Variants in C4orf51 observed in about 807,000 individuals in gnomAD.
C4orf51 encodes the protein uncharacterized protein C4orf51.
In C4orf51, 25 loss-of-function variants were observed where a neutral mutation model predicts 25.2. The ratio of observed to expected loss-of-function variants is 0.99; its 90% CI spans 0.72 to 1.39. C4orf51 has a LOEUF of 1.39. C4orf51 is among the 40% of genes most tolerant of loss of function. C4orf51 has a pLI of 0.00. For synonymous variants in C4orf51, 100 were observed against 84.5 expected (o/e 1.18, Z -1.01); for missense variants, 252 against 239.6 (o/e 1.05, Z -0.34).
In C4orf51 at chr4:145,688,726, G is replaced by C. The variant is rs1729341502; in HGVS notation, c.234-7833G>C. The stretch of plus-strand genomic sequence containing the variant: ...GTATCTTTATAGCAGTGTGAAAATG[G>C]ACTAATACAAGGATATTGTAAAAAT... On this transcript the variant is annotated intron_variant, in intron 1 of 5. Coordinates refer to ENST00000438731, the MANE Select transcript of C4orf51 (RefSeq NM_001080531.3). 3.3e-5 allele frequency among the ~76,000 whole-genome samples: 5 copies of C among 152,092 alleles called. No homozygotes were observed. The South Asian group carries it at 1.0e-3, about 32-fold the overall frequency.
Position 145,729,246 on chromosome 4 carries a change from A to G in C4orf51, c.427+17A>G, listed in dbSNP as rs760401566. ...GAAAATACTGTAAGTCCCATCCTGA[A>G]CTACTACTTTACATCCATTTTCTGG... On this transcript the variant is annotated intron_variant, in intron 4 of 5. Transcript: ENST00000438731. 2 of 1,545,410 alleles carry G rather than the reference A, an allele frequency of 1.3e-6. No homozygotes were observed. Among genetic ancestry groups the G allele is most frequent in the Non-Finnish European group, 1.8e-6 (2 of 1,123,468 alleles).
chr4:145,785,321 C>T, the C4orf51 span, among the ~76,000 whole-genome samples: 6 of 152,128 alleles, frequency 3.9e-5, no homozygotes, highest in African/African-American at 9.7e-5. Flanking sequence ...TCATTTCATG[C>T]GTAGGTCCTG....
chr4:145,754,727 G>A (rs956116992), downstream of C4orf51, among the ~76,000 whole-genome samples: 1 of 152,204 alleles, frequency 6.6e-6, no homozygotes, highest in Non-Finnish European at 1.5e-5. Context: ...TTGAGGTCAG[G>A]AGTTCAAGAC....
At chr4:145,748,635 C>T (rs538907644) in intron 1 of C4orf51, among the ~76,000 whole-genome samples, 307 of 152,180 alleles carry the variant, frequency 2.0e-3, no homozygotes, top group Middle Eastern at 6.8e-3. Flanking sequence ...TCTTCATTGA[C>T]GCACCGACCA....
At chr4:145,744,411 A>G (rs553263998) in intron 1 of C4orf51, among the ~76,000 whole-genome samples, 2 of 152,346 alleles carry the variant, frequency 1.3e-5, no homozygotes, top group South Asian at 4.1e-4. Context: ...ACAGGCAGAT[A>G]AACCAAATTG....
chr4:145,723,792 CT>C (rs1336428680), intron 2 of C4orf51, among the ~76,000 whole-genome samples: 1 of 152,160 alleles, frequency 6.6e-6, no homozygotes, highest in East Asian at 1.9e-4. Flanking sequence ...ATTAAATGTC[CT>C]TAAAAGGCCA....
intron 2 of C4orf51, among the ~76,000 whole-genome samples, chr4:145,703,571 T>C (rs1187135632): frequency 1.3e-5 from 2 of 152,344 alleles, no homozygotes; most frequent in East Asian, 3.8e-4. Flanking sequence ...TTCACTTCGT[T>C]GATAGTTTCC....
the C4orf51 span, among the ~76,000 whole-genome samples, chr4:145,782,111 C>A: frequency 6.6e-6 from 1 of 152,218 alleles, no homozygotes; most frequent in Non-Finnish European, 1.5e-5. Context: ...GCCACAGTCC[C>A]ACGCCCAACT....
At position 145,751,800 on chromosome 4, in the gene C4orf51, G is replaced by T. The variant is rs2126811372; in HGVS notation, n.168-2407G>T. Among the ~76,000 whole-genome samples, 2 of 152,306 alleles carry T rather than the reference G, an allele frequency of 1.3e-5. 1 individual carries two copies. Among genetic ancestry groups the T allele is most frequent in the South Asian group, 4.1e-4 (2 of 4,826 alleles). ...TCAGGGCCTGGAGTCAAAAACTTTA[G>T]AAATCTGCCTCATGCTCTCTTCTAC... On this transcript the variant is annotated intron_variant and non_coding_transcript_variant, in intron 1 of 1. Transcript: ENST00000508981.
At position 145,765,169 on chromosome 4, in the gene C4orf51, C is replaced by A; in HGVS notation, n.167-5819C>A. On this transcript the variant is annotated intron_variant and non_coding_transcript_variant, in intron 1 of 1. Transcript: ENST00000510096. This position sits in a 1 kb window ranked among gnomAD's most constrained non-coding sequence, Gnocchi z 4.7. ...TTGCAAAAAACACATTCGAACCCTG[C>A]AAGGACCGAAGCTGGGTATAGAGGT... 6.3e-7 allele frequency: 1 copy of A among 1,599,674 alleles called. No homozygotes were observed. Among genetic ancestry groups the A allele is most frequent in the South Asian group, 1.1e-5 (1 of 87,274 alleles).
At chr4:145,772,953 A>T (rs560963312), downstream of C4orf51, among the ~76,000 whole-genome samples, 1 of 152,312 alleles carries the variant, frequency 6.6e-6, no homozygotes, top group African/African-American at 2.4e-5. Context: ...AAATGATGAC[A>T]AGTCCAGCTT....
At chr4:145,719,687 T>C (rs1287741877) in intron 2 of C4orf51, among the ~76,000 whole-genome samples, 2 of 152,168 alleles carry the variant, frequency 1.3e-5, no homozygotes, top group African/African-American at 2.4e-5. Context: ...TGCAACACTT[T>C]AAAAATGAAG....
At chr4:145,730,548 G>A (rs1579004745) in intron 5 of C4orf51, among the ~76,000 whole-genome samples, 1 of 152,218 alleles carries the variant, frequency 6.6e-6, no homozygotes, top group Non-Finnish European at 1.5e-5. Flanking sequence ...TAAGTTGAAA[G>A]AAAGAATAAA....
intron 2 of C4orf51, among the ~76,000 whole-genome samples, chr4:145,698,665 G>T (rs1730236489): frequency 6.6e-6 from 1 of 152,116 alleles, no homozygotes; most frequent in African/African-American, 2.4e-5. Context: ...TGTTTGTGAG[G>T]CATGTCTGAC....
chr4:145,762,995 G>T lies in C4orf51; in HGVS notation n.167-7993G>T. On this transcript the variant is annotated intron_variant and non_coding_transcript_variant, in intron 1 of 1. Coordinates refer to the C4orf51 transcript ENST00000510096. The surrounding 1 kb of genome is among the most constrained non-coding windows in gnomAD (Gnocchi z 4.9). ...AGCGCCAAGCTCGCCGTTAGCCTTT[G>T]AACCTCAGCTCACAGAAGAGTGCAC... is the stretch of plus-strand genomic sequence containing the variant. 7.9e-7 allele frequency: 1 copy of T among 1,258,692 alleles called. No homozygotes were observed. Among genetic ancestry groups the T allele is most frequent in the Non-Finnish European group, 1.1e-6 (1 of 913,572 alleles). 78.0% of individuals were successfully genotyped at this position (1,258,692 alleles called of 1,614,324 possible).
At chr4:145,723,037 T>C (rs1218337917) in intron 2 of C4orf51, among the ~76,000 whole-genome samples, 1 of 152,150 alleles carries the variant, frequency 6.6e-6, no homozygotes, top group Non-Finnish European at 1.5e-5. Flanking sequence ...TCTATTTCAA[T>C]GTAAGAATAA....
the C4orf51 span, among the ~76,000 whole-genome samples, chr4:145,780,324 A>C: frequency 6.6e-6 from 1 of 152,270 alleles, no homozygotes; most frequent in Non-Finnish European, 1.5e-5. Flanking sequence ...TTTGCTCTTC[A>C]TTCCAGTTTG....
chr4:145,754,138 A>G (rs937063674), intron 1 of C4orf51: 4 of 152,152 alleles, frequency 2.6e-5, no homozygotes, highest in African/African-American at 9.7e-5. Flanking sequence ...CACACCAAAT[A>G]TGATCATTGT....
rs997821138 is a variant in C4orf51, at chr4:145,763,699, T to C, written n.167-7289T>C. ...GTCCAACCACAGAAAAACATGGTTCTGGTGTTTCTCTTTTTAAAATGAGAG... is the reference window on the plus strand; with the variant it reads ...GTCCAACCACAGAAAAACATGGTTCCGGTGTTTCTCTTTTTAAAATGAGAG... On this transcript the variant is annotated intron_variant and non_coding_transcript_variant, in intron 1 of 1. Coordinates refer to the C4orf51 transcript ENST00000510096. The surrounding 1 kb of genome is among the most constrained non-coding windows in gnomAD (Gnocchi z 4.6). Among the ~76,000 whole-genome samples, 13 of 152,378 alleles carry C rather than the reference T, an allele frequency of 8.5e-5. No homozygotes were observed. In the East Asian group the frequency reaches 2.5e-3, roughly 29 times the overall value.
Sources: allele counts gnomAD v4.1 joint callset (sites outside exome capture counted in the v4.1 genomes callset), GRCh38; gene constraint gnomAD v4.1.1; non-coding constraint Gnocchi (gnomAD v3.1); transcripts MANE v1.5; gene names NCBI Gene and HGNC (gene_info 2026-07-23, HGNC 2026-07-21).